ADAMTSL1: variants seen among roughly 807,000 people sequenced by gnomAD.
ADAMTSL1 encodes ADAMTS-like protein 1.
A neutral mutation model predicts 201.8 loss-of-function variants in ADAMTSL1; 126 were observed. The ratio of observed to expected loss-of-function variants is 0.62; its 90% CI spans 0.54 to 0.72. The LOEUF is 0.72. ADAMTSL1 is among the 30% of genes least tolerant of loss of function. The pLI is 0.00. For synonymous variants in ADAMTSL1, 1,121 were observed against 903.4 expected, an observed-to-expected ratio of 1.24 and a Z score of -4.32; for missense variants, 2,679 against 2,277.8, an observed-to-expected ratio of 1.18 and a Z score of -3.59.
At chr9:18,822,781 T>G (rs1824292751) in intron 21 of ADAMTSL1, among the ~76,000 whole-genome samples, 1 of 152,218 alleles carries the variant, frequency 6.6e-6, no homozygotes, top group Non-Finnish European at 1.5e-5. Context: ...TTATAGCAAA[T>G]GTTCAATGTT....
At chr9:18,247,961 G>A (rs886091267) in intron 2 of ADAMTSL1, among the ~76,000 whole-genome samples, 1 of 152,126 alleles carries the variant, frequency 6.6e-6, no homozygotes, top group Non-Finnish European at 1.5e-5. Flanking sequence ...AGCCTAGGTG[G>A]TCATTTTATT....
At chr9:18,191,934 A>C (rs2132234374) in intron 2 of ADAMTSL1, among the ~76,000 whole-genome samples, 1 of 152,284 alleles carries the variant, frequency 6.6e-6, no homozygotes, top group Non-Finnish European at 1.5e-5. Context: ...CCTTATTGTT[A>C]CTTTAATTAT....
chr9:18,342,468 A>G (rs1487980720), intron 2 of ADAMTSL1, among the ~76,000 whole-genome samples: 1 of 152,172 alleles, frequency 6.6e-6, no homozygotes, highest in Non-Finnish European at 1.5e-5. Context: ...CCACTCGTTT[A>G]GGAAAGTTGT....
chr9:18,859,361 C>T (rs1827067003), intron 23 of ADAMTSL1, among the ~76,000 whole-genome samples: 1 of 152,206 alleles, frequency 6.6e-6, no homozygotes, highest in African/African-American at 2.4e-5. Flanking sequence ...TCGCTATCTT[C>T]CCCATTATAA....
chr9:18,502,260 C>T (rs1045700209), intron 1 of ADAMTSL1, among the ~76,000 whole-genome samples: 2 of 152,130 alleles, frequency 1.3e-5, no homozygotes, highest in African/African-American at 4.8e-5. Flanking sequence ...TGAATCCTAA[C>T]GTTTGTGATA....
At chr9:18,674,288 A>G (rs1257905734) in intron 9 of ADAMTSL1, among the ~76,000 whole-genome samples, 1 of 152,192 alleles carries the variant, frequency 6.6e-6, no homozygotes, top group Admixed American at 6.5e-5. Context: ...ACAAATAAAT[A>G]CAGAAAATTT....
chr9:18,899,188 C>T (rs888844518), intron 26 of ADAMTSL1, among the ~76,000 whole-genome samples: 1 of 152,104 alleles, frequency 6.6e-6, no homozygotes, highest in Non-Finnish European at 1.5e-5. Context: ...GAATGAACTC[C>T]CATTCACAAT....
At chr9:18,262,292 C>A (rs1444264048) in intron 2 of ADAMTSL1, among the ~76,000 whole-genome samples, 7 of 152,128 alleles carry the variant, frequency 4.6e-5, no homozygotes, top group Admixed American at 4.6e-4. Flanking sequence ...ACACCCAAGG[C>A]CCTTATAAAG....
chr9:18,038,091 G>A (rs560115859), intron 1 of ADAMTSL1, among the ~76,000 whole-genome samples: 1 of 152,298 alleles, frequency 6.6e-6, no homozygotes, highest in South Asian at 2.1e-4. Context: ...AGTATCCATG[G>A]ATGTCACTGA....
chr9:17,941,017 T>A (rs1827219789), intron 1 of ADAMTSL1, among the ~76,000 whole-genome samples: 1 of 149,566 alleles, frequency 6.7e-6, no homozygotes, highest in African/African-American at 2.4e-5. Flanking sequence ...CAGGTTTTGA[T>A]GCTGACTCTT....
chr9:18,250,034 C>T (rs1831405935), intron 2 of ADAMTSL1, among the ~76,000 whole-genome samples: 1 of 152,128 alleles, frequency 6.6e-6, no homozygotes, highest in Admixed American at 6.5e-5. Context: ...TAATTTCCTG[C>T]CCCTTTGTAT....
At chr9:18,710,372 A>G (rs1832490898) in intron 14 of ADAMTSL1, among the ~76,000 whole-genome samples, 1 of 152,218 alleles carries the variant, frequency 6.6e-6, no homozygotes, top group Admixed American at 6.5e-5. Context: ...GGCTCCACCT[A>G]AGAAGGATGA....
At chr9:18,335,872 G>C (rs1449416434) in intron 2 of ADAMTSL1, among the ~76,000 whole-genome samples, 2 of 152,066 alleles carry the variant, frequency 1.3e-5, no homozygotes, top group African/African-American at 4.8e-5. Flanking sequence ...AATTTGGGAG[G>C]TTGTAGAAAT....
intron 2 of ADAMTSL1, among the ~76,000 whole-genome samples, chr9:18,389,678 T>G (rs1418491241): frequency 6.6e-6 from 1 of 152,210 alleles, no homozygotes; most frequent in Non-Finnish European, 1.5e-5. Context: ...ACACATTCTC[T>G]TCATCAATAT....
intron 1 of ADAMTSL1, among the ~76,000 whole-genome samples, chr9:18,125,023 C>G (rs915816663): frequency 1.1e-4 from 16 of 152,142 alleles, no homozygotes; most frequent in Non-Finnish European, 1.9e-4. Flanking sequence ...CAAGTCCCAT[C>G]TCTTGCTGTT....
At chr9:18,177,592 C>G (rs1364669948) in intron 2 of ADAMTSL1, among the ~76,000 whole-genome samples, 2 of 152,166 alleles carry the variant, frequency 1.3e-5, no homozygotes, top group East Asian at 3.8e-4. Context: ...TCATCCATGC[C>G]TCCCGTTCGC....
intron 2 of ADAMTSL1, among the ~76,000 whole-genome samples, chr9:18,178,264 C>T (rs1259926860): frequency 6.6e-6 from 1 of 151,788 alleles, no homozygotes; most frequent in African/African-American, 2.4e-5. Flanking sequence ...AAAGGGGTGA[C>T]AGACGGCACC....
At chr9:18,746,906 T>C (rs568204793) in intron 15 of ADAMTSL1, among the ~76,000 whole-genome samples, 3 of 152,092 alleles carry the variant, frequency 2.0e-5, no homozygotes, top group South Asian at 2.1e-4. Flanking sequence ...AAACTAACAC[T>C]TGGGGAAGAC....
In ADAMTSL1 at chr9:18,828,671, TATATATATATATATATATATATAA is replaced by T. The variant is rs1824763257; in HGVS notation, c.4115-1170_4115-1147del. ...TTTTGAAAGTATATTTATATATATA[TATATATATATATATATATATATAA>T]AATGTGTGTGTGTGTATATATATAT... On this transcript the variant is annotated intron_variant, in intron 22 of 28. Coordinates refer to ENST00000380548, the MANE Select transcript of ADAMTSL1 (RefSeq NM_001040272.6). Among the ~76,000 whole-genome samples the T allele has an allele frequency of 4.8e-5, 4 of 82,780 alleles. 1 individual carries two copies. The highest frequency in any genetic ancestry group is 9.2e-5 in the Non-Finnish European group (4 of 43,648). 54.3% of individuals were successfully genotyped at this position (82,780 alleles called of 152,430 possible).
Sources: allele counts gnomAD v4.1 joint callset (sites outside exome capture counted in the v4.1 genomes callset), GRCh38; gene constraint gnomAD v4.1.1; transcripts MANE v1.5; gene names NCBI Gene and HGNC (gene_info 2026-07-23, HGNC 2026-07-21).